ASTN2: variants seen among roughly 807,000 people sequenced by gnomAD.
ASTN2 encodes astrotactin 2.
In ASTN2, 54 loss-of-function variants were observed where a neutral mutation model predicts 139.8. The observed-to-expected ratio is 0.39, with a 90% confidence interval of 0.31 to 0.48. The LOEUF (loss-of-function observed/expected upper bound fraction) is 0.48, where lower values mean the gene tolerates loss of function less well. Among genes scored for constraint, ASTN2 ranks in the 20% least tolerant of loss-of-function variants. ASTN2 has a pLI of 0.95. For missense variants in ASTN2, 1,565 were observed against 1,725.1 expected (o/e 0.91, Z 1.64); for synonymous variants, 756 against 719.5 (o/e 1.05, Z -0.81).
At chr9:116,800,595 C>T (rs1029037101) in intron 13 of ASTN2, among the ~76,000 whole-genome samples, 3 of 152,162 alleles carry the variant, frequency 2.0e-5, no homozygotes, top group Admixed American at 6.5e-5. Context: ...CCTCACTCTA[C>T]ACTGAGAACA....
intron 10 of ASTN2, among the ~76,000 whole-genome samples, chr9:116,943,814 T>C (rs3860181): frequency 0.23 from 34,807 of 152,120 alleles, 4,047 homozygotes; most frequent in Admixed American, 0.29. Context: ...TTCCATTCTA[T>C]CTTTTTCCAT....
At chr9:117,296,876 C>T (rs1382304701) in intron 1 of ASTN2, among the ~76,000 whole-genome samples, 1 of 152,166 alleles carries the variant, frequency 6.6e-6, no homozygotes, top group Non-Finnish European at 1.5e-5. Context: ...CTCAAATCCC[C>T]TCAACTGCCC....
intron 6 of ASTN2, among the ~76,000 whole-genome samples, chr9:117,021,368 C>T: frequency 6.6e-6 from 1 of 152,094 alleles, no homozygotes; most frequent in East Asian, 1.9e-4. Flanking sequence ...TTCTGAGGTG[C>T]TAATATCTGG....
At chr9:116,823,452 A>G (rs1485256590) in intron 11 of ASTN2, among the ~76,000 whole-genome samples, 1 of 152,208 alleles carries the variant, frequency 6.6e-6, no homozygotes, top group Non-Finnish European at 1.5e-5. Flanking sequence ...TTACTGGCTG[A>G]CTGACATCTA....
intron 19 of ASTN2, among the ~76,000 whole-genome samples, chr9:116,544,303 C>A (rs1033365188): frequency 3.3e-5 from 5 of 152,118 alleles, no homozygotes; most frequent in African/African-American, 7.2e-5. Context: ...CCCAGAAACC[C>A]TCCATGTCTA....
At chr9:116,671,934 G>A (rs1407046950) in intron 16 of ASTN2, among the ~76,000 whole-genome samples, 2 of 152,144 alleles carry the variant, frequency 1.3e-5, no homozygotes, top group East Asian at 1.9e-4. Flanking sequence ...GCAGAGAAAC[G>A]AGATAACCTG....
intron 10 of ASTN2, among the ~76,000 whole-genome samples, chr9:116,968,379 A>G (rs1207318240): frequency 6.6e-6 from 1 of 152,150 alleles, no homozygotes; most frequent in Non-Finnish European, 1.5e-5. Context: ...CAGTATCTGG[A>G]GCAGTCACAC....
intron 3 of ASTN2, among the ~76,000 whole-genome samples, chr9:117,200,729 A>T (rs987372784): frequency 1.1e-4 from 16 of 152,248 alleles, no homozygotes; most frequent in Admixed American, 9.8e-4. Context: ...ATCATGGTGG[A>T]TAAGTTTTTT....
rs558801149 is a variant in ASTN2 at position 117,101,626 on chromosome 9, A to C, written c.1169-5475T>G. ...ACATGCAATATCCCTCCTACACCTCACAAGGGGTCTGAGATGTAGGAGTTA... is the reference window on the plus strand; with the variant it reads ...ACATGCAATATCCCTCCTACACCTCCCAAGGGGTCTGAGATGTAGGAGTTA... On this transcript the variant is annotated intron_variant, in intron 4 of 22. Transcript: ENST00000313400. 3.9e-5 allele frequency among the ~76,000 whole-genome samples: 6 copies of C among 152,292 alleles called. No homozygotes were observed. In the South Asian group the frequency reaches 1.2e-3, roughly 32 times the overall value.
intron 13 of ASTN2, among the ~76,000 whole-genome samples, chr9:116,733,870 T>C (rs1430959444): frequency 2.0e-5 from 3 of 152,200 alleles, no homozygotes; most frequent in East Asian, 1.9e-4. Context: ...TTATTTAAGA[T>C]ACTTTCTGAT....
chr9:117,215,099 C>T (rs1832270455), intron 2 of ASTN2, among the ~76,000 whole-genome samples: 1 of 152,112 alleles, frequency 6.6e-6, no homozygotes, highest in Non-Finnish European at 1.5e-5. Context: ...CAGGAAGGGT[C>T]AGTGCTGCGG....
intron 2 of ASTN2, among the ~76,000 whole-genome samples, chr9:117,238,227 G>T (rs981103194): frequency 6.6e-6 from 1 of 152,152 alleles, no homozygotes; most frequent in African/African-American, 2.4e-5. Context: ...GGCTCCCGGG[G>T]ATTTCTTTAG....
intron 1 of ASTN2, among the ~76,000 whole-genome samples, chr9:117,296,093 T>C (rs994990059): frequency 6.6e-6 from 1 of 151,300 alleles, no homozygotes; most frequent in Non-Finnish European, 1.5e-5. Flanking sequence ...GCCAGGCCAA[T>C]ATGGTGAAAT....
intron 20 of ASTN2, among the ~76,000 whole-genome samples, chr9:116,483,866 C>G (rs1245869708): frequency 6.6e-6 from 1 of 152,168 alleles, no homozygotes; most frequent in Non-Finnish European, 1.5e-5. Context: ...AATCCAAGGT[C>G]CCAGAGGCAG....
At chr9:116,822,105 C>A (rs1831499785) in intron 11 of ASTN2, among the ~76,000 whole-genome samples, 1 of 152,004 alleles carries the variant, frequency 6.6e-6, no homozygotes, top group Non-Finnish European at 1.5e-5. Flanking sequence ...CACCGGCCAA[C>A]TCCCCGCTCC....
chr9:116,494,691 C>T (rs982338800), intron 19 of ASTN2, among the ~76,000 whole-genome samples: 3 of 152,128 alleles, frequency 2.0e-5, no homozygotes, highest in South Asian at 2.1e-4. Flanking sequence ...GCTTAAAATT[C>T]GATAAAACCT....
At chr9:116,536,582 C>T (rs1439879554) in intron 19 of ASTN2, among the ~76,000 whole-genome samples, 1 of 152,240 alleles carries the variant, frequency 6.6e-6, no homozygotes, top group African/African-American at 2.4e-5. Flanking sequence ...ACAGTCAGGA[C>T]CCTCAGCTGC....
intron 2 of ASTN2, among the ~76,000 whole-genome samples, chr9:117,255,878 G>A (rs561928093): frequency 1.8e-4 from 28 of 152,166 alleles, no homozygotes; most frequent in Non-Finnish European, 3.5e-4. Flanking sequence ...ACAGGTCTCT[G>A]TTGGAAATGG....
At chr9:116,603,730 C>A (rs149134780) in intron 19 of ASTN2, among the ~76,000 whole-genome samples, 2 of 152,272 alleles carry the variant, frequency 1.3e-5, no homozygotes, top group East Asian at 3.9e-4. Flanking sequence ...ACCAACCTAG[C>A]ATAATTCTTG....
Sources: gnomAD v4.1 joint callset for allele counts (sites outside exome capture counted in the v4.1 genomes callset) on GRCh38, gnomAD v4.1.1 for gene constraint, MANE v1.5 for transcripts, NCBI Gene and HGNC (gene_info 2026-07-23, HGNC 2026-07-21) for gene names.